The following NRXN3 variants were observed in gnomAD, a reference collection of about 807,000 sequenced individuals.
The protein encoded by NRXN3 is neurexin 3, also known as neurexin III.
Under a neutral mutation model 137.6 loss-of-function variants are expected in NRXN3, and 32 were observed. The observed-to-expected ratio is 0.23, with a 90% confidence interval of 0.18 to 0.31. The LOEUF is 0.31. NRXN3 is among the 10% of genes least tolerant of loss of function. NRXN3 has a pLI of 1.00. For missense variants in NRXN3, 1,574 were observed against 2,062.5 expected, an observed-to-expected ratio of 0.76 and a Z score of 4.59; for synonymous variants, 798 against 784.5, an observed-to-expected ratio of 1.02 and a Z score of -0.29.
At chr14:78,549,801 A>G (rs2096669137) in intron 4 of NRXN3, among the ~76,000 whole-genome samples, 1 of 152,098 alleles carries the variant, frequency 6.6e-6, no homozygotes. Context: ...TTTACTATGC[A>G]TTCATAGTGC....
rs181623899 is a variant in NRXN3 at position 79,648,620 on chromosome 14, C to A, written c.3445-15158C>A. Among the ~76,000 whole-genome samples the A allele has an allele frequency of 5.1e-5, 7 of 137,308 alleles. 2 individuals are homozygous for A. Among genetic ancestry groups the A allele is most frequent in the Non-Finnish European group, 1.0e-4 (6 of 59,184 alleles). The allele number at this position is 137,308 out of a possible 152,430, so 90.1% of individuals were successfully genotyped here. A position where few individuals can be genotyped will look rare whatever the true frequency, so the allele number is the denominator to read the frequency against. ...AATCAAATCAAAATAATTTTCATTACTCTTCCAATAATTGTGCCTTCCAGA... is the reference window on the plus strand; with the variant it reads ...AATCAAATCAAAATAATTTTCATTAATCTTCCAATAATTGTGCCTTCCAGA... On this transcript the variant is annotated intron_variant, in intron 16 of 20. Transcript: ENST00000335750.
intron 8 of NRXN3, among the ~76,000 whole-genome samples, chr14:78,772,865 TAAG>T (rs1313117199): frequency 6.6e-6 from 1 of 152,204 alleles, no homozygotes; most frequent in Non-Finnish European, 1.5e-5. Context: ...CAATTTTAAA[TAAG>T]AAATTAAAAA....
At chr14:78,501,859 GC>G (rs2095882521) in intron 4 of NRXN3, among the ~76,000 whole-genome samples, 1 of 152,122 alleles carries the variant, frequency 6.6e-6, no homozygotes, top group African/African-American at 2.4e-5. Context: ...TTTTTACAAA[GC>G]GTTATCACAT....
intron 15 of NRXN3, among the ~76,000 whole-genome samples, chr14:79,205,906 C>T (rs2066716742): frequency 6.6e-6 from 1 of 152,110 alleles, no homozygotes; most frequent in Non-Finnish European, 1.5e-5. Context: ...ATCATTTAGG[C>T]TCTCCCTGAA....
In NRXN3 at chr14:78,530,606, A is replaced by G. The variant is rs553320327; in HGVS notation, c.758-114514A>G. On this transcript the variant is annotated intron_variant, in intron 4 of 20. Transcript: ENST00000335750. ...AGGTATGGCTCTCTTCCAGATAACC[A>G]AGTGTAGACAGGAGTAGGCCCAGTT... Among the ~76,000 whole-genome samples the G allele has an allele frequency of 1.2e-4, 18 of 152,250 alleles. No individual in the cohort carries two copies. The South Asian group carries it at 3.7e-3, about 32-fold the overall frequency.
At chr14:78,773,249 C>T (rs887040048) in intron 8 of NRXN3, among the ~76,000 whole-genome samples, 6 of 152,190 alleles carry the variant, frequency 3.9e-5, no homozygotes, top group East Asian at 1.9e-4. Flanking sequence ...AACCTTTCAA[C>T]CCTCTGAGTT....
chr14:79,010,716 C>A (rs2099569522), intron 15 of NRXN3, among the ~76,000 whole-genome samples: 1 of 152,040 alleles, frequency 6.6e-6, no homozygotes, highest in South Asian at 2.1e-4. Context: ...ATTTTTATAT[C>A]AATCTTTATG....
intron 15 of NRXN3, among the ~76,000 whole-genome samples, chr14:79,117,477 C>G (rs2054636330): frequency 6.6e-6 from 1 of 152,154 alleles, no homozygotes; most frequent in South Asian, 2.1e-4. Flanking sequence ...ATCCTAGATA[C>G]TTAATAGAAA....
At position 79,774,293 on chromosome 14, in the gene NRXN3, A is replaced by G. The variant is rs144702978; in HGVS notation, c.4015-30819A>G. On this transcript the variant is annotated intron_variant, in intron 19 of 20. Transcript: ENST00000335750. ...AGTGACAATGGTATATTTGCTCAGCATTTCCTGTACCTGAAACAACCCTTG... is the reference window on the plus strand; with the variant it reads ...AGTGACAATGGTATATTTGCTCAGCGTTTCCTGTACCTGAAACAACCCTTG... Among the ~76,000 whole-genome samples the G allele has an allele frequency of 1.9e-3, 296 of 152,262 alleles. 3 individuals are homozygous for G. The highest frequency in any genetic ancestry group is 6.6e-3 in the African/African-American group (275 of 41,540).
intron 6 of NRXN3, among the ~76,000 whole-genome samples, chr14:78,700,348 G>C (rs1489053493): frequency 6.6e-6 from 1 of 152,186 alleles, no homozygotes; most frequent in Non-Finnish European, 1.5e-5. Flanking sequence ...ACCTCCTGGA[G>C]CACTACCTTG....
At chr14:79,126,133 A>T (rs1218256990) in intron 15 of NRXN3, among the ~76,000 whole-genome samples, 1 of 151,974 alleles carries the variant, frequency 6.6e-6, no homozygotes, top group African/African-American at 2.4e-5. Context: ...TAATTAACTT[A>T]AACTTTTTTT....
rs76161720 is a variant in NRXN3, at chr14:78,181,960, C to T, written c.-704+11286C>T. Among the ~76,000 whole-genome samples, 1,388 of 152,080 alleles carry T rather than the reference C, an allele frequency of 9.1e-3. 36 individuals are homozygous for T. The East Asian group carries it at 0.095, about 10-fold the overall frequency. On this transcript the variant is annotated intron_variant, in intron 1 of 20. Transcript: ENST00000335750. ...GGAATACAGCCACCATCAAGAGAGA[C>T]GTTTAGTTTATCCCTGATGGAATTT...
chr14:79,426,475 T>C (rs2095656456), intron 15 of NRXN3, among the ~76,000 whole-genome samples: 1 of 152,228 alleles, frequency 6.6e-6, no homozygotes, highest in Non-Finnish European at 1.5e-5. Context: ...GATCAAGCTA[T>C]GTTTTCTGAG....
intron 15 of NRXN3, among the ~76,000 whole-genome samples, chr14:79,109,827 T>A (rs1047717392): frequency 1.4e-4 from 22 of 152,188 alleles, no homozygotes; most frequent in African/African-American, 5.3e-4. Context: ...AAAATAAGCA[T>A]TGGCCTACCT....
intron 8 of NRXN3, chr14:78,745,122 A>T (rs1045713907): frequency 6.6e-6 from 1 of 152,238 alleles, no homozygotes; most frequent in Non-Finnish European, 1.5e-5. Context: ...TTGCACTTGT[A>T]CTTTTCCTTT....
chr14:78,724,145 T>C (rs923497348), intron 8 of NRXN3, among the ~76,000 whole-genome samples: 9 of 152,118 alleles, frequency 5.9e-5, no homozygotes, highest in Non-Finnish European at 1.2e-4. Context: ...GATAGAAAAA[T>C]CATATTTTGA....
chr14:78,193,865 C>T (rs2060975991), intron 1 of NRXN3, among the ~76,000 whole-genome samples: 1 of 152,108 alleles, frequency 6.6e-6, no homozygotes. Context: ...TCCTGCCAGG[C>T]ACTGGACCCA....
intron 20 of NRXN3, among the ~76,000 whole-genome samples, chr14:79,810,423 A>G (rs767301065): frequency 6.6e-6 from 1 of 152,216 alleles, no homozygotes; most frequent in Non-Finnish European, 1.5e-5. Context: ...CCATCCATCA[A>G]TAAGACTGTG....
intron 2 of NRXN3, among the ~76,000 whole-genome samples, chr14:78,258,958 C>G (rs1209152751): frequency 6.6e-6 from 1 of 152,014 alleles, no homozygotes; most frequent in African/African-American, 2.4e-5. Context: ...TAGTGAAACA[C>G]CGTTTCTACT....
Sources: gnomAD v4.1 joint callset for allele counts (sites outside exome capture counted in the v4.1 genomes callset) on GRCh38, gnomAD v4.1.1 for gene constraint, MANE v1.5 for transcripts, NCBI Gene and HGNC (gene_info 2026-07-23, HGNC 2026-07-21) for gene names.